The following ERCC6L variants were observed in gnomAD, a reference collection of about 807,000 sequenced individuals.
The protein encoded by ERCC6L is ERCC excision repair 6 like, spindle assembly checkpoint helicase.
A neutral mutation model predicts 20.1 loss-of-function variants in ERCC6L; 7 were observed. The observed-to-expected ratio is 0.35, with a 90% CI of 0.20 to 0.65. The LOEUF is 0.65. Among genes scored for constraint, ERCC6L ranks in the 30% least tolerant of loss-of-function variants. ERCC6L has a pLI of 0.69. For synonymous variants in ERCC6L, 278 were observed against 331.3 expected (o/e 0.84, Z 1.75); for missense variants, 592 against 892.4 (o/e 0.66, Z 4.29).
chrX:72,206,764 A>G lies in ERCC6L; in HGVS notation c.2003T>C (p.Ile668Thr). Residue 668 changes from isoleucine (I) to threonine (T), a missense_variant, in exon 2 of 2, where the codon ATA becomes ACA. Physicochemically the swap from Ile to Thr is moderately conservative, Grantham distance 89 (BLOSUM62 -1). This residue lies in a region of ERCC6L where 196 missense variants were observed against 440.1 expected (regional missense o/e 0.45). Coordinates refer to ENST00000334463, the MANE Select transcript of ERCC6L (RefSeq NM_017669.4). ...CAAATCATGGTCTGAGATTCCAGCT[A>G]TCCCCAAAGACTGCAGGTAGGCAAT... Reference protein sequence around the residue: ...EHIAYLQSLGIAGISDHDLMY... With the variant: ...EHIAYLQSLGTAGISDHDLMY... 18 of 1,211,227 alleles carry G rather than the reference A, an allele frequency of 1.5e-5. No homozygotes were observed. Among genetic ancestry groups the G allele is most frequent in the Non-Finnish European group, 2.0e-5 (18 of 895,302 alleles).
Position 72,208,701 on chromosome X carries a change from A to G in ERCC6L, c.69-3T>C, listed in dbSNP as rs2042835475. ...CTTCTTTGGCCTCTTTCACATATCT[A>G]TAGAAAAAAAAAGAAGAAGAGGAGA... On this transcript the variant is annotated splice_region_variant and splice_polypyrimidine_tract_variant and intron_variant, in intron 1 of 1. Coordinates refer to ENST00000334463, the MANE Select transcript of ERCC6L (RefSeq NM_017669.4). 1.7e-6 allele frequency: 2 copies of G among 1,160,104 alleles called. No homozygotes were observed. The highest frequency in any genetic ancestry group is 2.3e-6 in the Non-Finnish European group (2 of 866,337).
chrX:72,210,057 A>T (rs1182910730), intron 1 of ERCC6L, among the ~76,000 whole-genome samples: 1 of 108,848 alleles, frequency 9.2e-6, no homozygotes, highest in Non-Finnish European at 1.9e-5. Context: ...CACACAAGCA[A>T]CCAGAGGGGG....
chrX:72,238,638 G>C (rs1310985629), intron 1 of ERCC6L, among the ~76,000 whole-genome samples: 1 of 112,755 alleles, frequency 8.9e-6, no homozygotes, highest in African/African-American at 3.2e-5. Flanking sequence ...TTGCCCAAAA[G>C]AAGAGGCATC....
intron 1 of ERCC6L, 42 bp downstream of exon 1, chrX:72,238,802 G>C: frequency 8.7e-7 from 1 of 1,143,181 alleles, no homozygotes; most frequent in African/African-American, 1.8e-5. Flanking sequence ...TCCACCCTGG[G>C]CCAGGTCGGT....
chrX:72,213,124 G>T (rs760816741), intron 1 of ERCC6L, among the ~76,000 whole-genome samples: 1 of 112,089 alleles, frequency 8.9e-6, no homozygotes, highest in Admixed American at 9.4e-5. Flanking sequence ...GCGCATGTGA[G>T]TGGGGTTATT....
At chrX:72,221,671 G>A (rs1244130645) in intron 1 of ERCC6L, among the ~76,000 whole-genome samples, 1 of 111,111 alleles carries the variant, frequency 9.0e-6, no homozygotes, top group Non-Finnish European at 1.9e-5. Context: ...GCCGATGGTT[G>A]GAAAATGTCA....
At chrX:72,235,389 C>CCT (rs2043010638) in intron 1 of ERCC6L, among the ~76,000 whole-genome samples, 1 of 68,570 alleles carries the variant, frequency 1.5e-5, no homozygotes, top group Admixed American at 1.8e-4. Flanking sequence ...CCCTCTTCCA[C>CCT]TTTTTTTTTT....
In ERCC6L at chrX:72,205,089, C is replaced by T. The variant is rs961551484; in HGVS notation, c.3678G>A (p.Ala1226=). 7.4e-6 allele frequency: 9 copies of T among 1,209,397 alleles called. No homozygotes were observed. Among genetic ancestry groups the T allele is most frequent in the South Asian group, 5.3e-5 (3 of 56,672 alleles). The change falls in exon 2 of 2, where the codon GCG becomes GCA. Residue 1226 remains alanine, a synonymous_variant. Coordinates refer to ENST00000334463, the MANE Select transcript of ERCC6L (RefSeq NM_017669.4). ...CAGGATCTGCACTTTTTATGTCAAG[C>T]GCTTTAACTAAGCAGTTTAGGGCCT... ...IQEALNCLVK[A]LDIKSADPEV...
rs2042814316 is a variant in ERCC6L, at chrX:72,205,688, C to T, written c.3079G>A (p.Val1027Ile). 4.1e-6 allele frequency: 5 copies of T among 1,211,958 alleles called. No homozygotes were observed. The highest frequency in any genetic ancestry group is 5.6e-6 in the Non-Finnish European group (5 of 895,525). The change falls in exon 2 of 2, where the codon GTT becomes ATT. Residue 1027 changes from valine (V) to isoleucine (I), a missense_variant. By Grantham distance (29) the Val-to-Ile change is conservative. Around this residue, in one of 3 missense-constraint regions of ERCC6L, gnomAD observed 352 missense variants for 402.6 expected, o/e 0.87. Transcript: ENST00000334463. ...AKIRSKARRI[V>I]SDGEDEDDSF... is the part of the protein sequence containing the mutation. ...TCATCTTCATCTTCGCCATCTGAAA[C>T]AATCCTTCTAGCTTTACTTCTGATT...
At position 72,205,685 on chromosome X, in the gene ERCC6L, A is replaced by C; in HGVS notation, c.3082T>G (p.Ser1028Ala). ...GAATCATCTTCATCTTCGCCATCTG[A>C]AACAATCCTTCTAGCTTTACTTCTG... is the stretch of plus-strand genomic sequence containing the variant. ...KIRSKARRIV[S>A]DGEDEDDSFK... The change falls in exon 2 of 2, where the codon TCA (serine) becomes GCA (alanine). Residue 1028 changes from serine to alanine, a missense_variant. Ser to Ala is a moderately conservative substitution (Grantham distance 99). This residue lies in a region of ERCC6L where 352 missense variants were observed against 402.6 expected (regional missense o/e 0.87). Transcript: ENST00000334463. The C allele has an allele frequency of 8.3e-7, 1 of 1,211,970 alleles. No homozygotes were observed. Among genetic ancestry groups the C allele is most frequent in the Non-Finnish European group, 1.1e-6 (1 of 895,540 alleles).
chrX:72,238,746 G>T (rs2043031739), intron 1 of ERCC6L, 98 bp downstream of exon 1: 2 of 807,823 alleles, frequency 2.5e-6, no homozygotes, highest in Non-Finnish European at 3.6e-6. Context: ...AAAAGGCTCC[G>T]CCTCAACAGT....
chrX:72,210,089 G>A (rs2042844245), intron 1 of ERCC6L, among the ~76,000 whole-genome samples: 1 of 108,836 alleles, frequency 9.2e-6, no homozygotes, highest in Non-Finnish European at 1.9e-5. Flanking sequence ...ACAGGGCCGG[G>A]TGCGGTGGCT....
chrX:72,230,332 C>G (rs1358462245), intron 1 of ERCC6L, among the ~76,000 whole-genome samples: 1 of 110,546 alleles, frequency 9.0e-6, no homozygotes, highest in Non-Finnish European at 1.9e-5. Flanking sequence ...CTTGAGATAA[C>G]CCGCCTTGGC....
Position 72,205,323 on chromosome X carries a change from T to A in ERCC6L, c.3444A>T (p.Gly1148=). 8.3e-7 allele frequency: 1 copy of A among 1,211,947 alleles called. No homozygotes were observed. Among genetic ancestry groups the A allele is most frequent in the Non-Finnish European group, 1.1e-6 (1 of 895,583 alleles). ...ACTTGTTTTCTGAAGACAGTGTTTC[T>A]CCGGAAGGATCCTCTTCTGTATACT... is the stretch of plus-strand genomic sequence containing the variant. ...ASKYTEEDPS[G]ETLSSENKSS... is the part of the protein sequence containing the mutation. The change falls in exon 2 of 2, where the codon GGA becomes GGT. Residue 1148 remains glycine, a synonymous_variant. Transcript: ENST00000334463.
intron 1 of ERCC6L, 104 bp downstream of exon 1, chrX:72,238,740 G>A (rs1485691929): frequency 1.3e-6 from 1 of 759,857 alleles, no homozygotes; most frequent in Non-Finnish European, 1.9e-6. Flanking sequence ...CGTCTCAAAA[G>A]GCTCCGCCTC....
intron 1 of ERCC6L, among the ~76,000 whole-genome samples, chrX:72,219,223 T>A (rs1346187933): frequency 9.0e-6 from 1 of 110,750 alleles, no homozygotes; most frequent in Non-Finnish European, 1.9e-5. Context: ...GCCATTGCAC[T>A]CCAGCCTGGG....
chrX:72,233,114 T>A (rs1315952386), intron 1 of ERCC6L, among the ~76,000 whole-genome samples: 3 of 111,707 alleles, frequency 2.7e-5, no homozygotes, highest in Non-Finnish European at 5.6e-5. Flanking sequence ...AACCCATTGA[T>A]CAACCTTTCA....
chrX:72,220,095 G>GT (rs1320152168), intron 1 of ERCC6L, among the ~76,000 whole-genome samples: 1 of 110,320 alleles, frequency 9.1e-6, no homozygotes, highest in Non-Finnish European at 1.9e-5. Flanking sequence ...TTTGTCAAAT[G>GT]TTTTTTTCTG....
chrX:72,228,749 G>A (rs1359789637), intron 1 of ERCC6L, among the ~76,000 whole-genome samples: 2 of 108,174 alleles, frequency 1.8e-5, no homozygotes, highest in Non-Finnish European at 3.8e-5. Context: ...CTTTTTGCTT[G>A]TTTTTTTTTC....
Sources: gnomAD v4.1 joint callset for allele counts (sites outside exome capture counted in the v4.1 genomes callset) on GRCh38, gnomAD v4.1.1 for gene constraint, gnomAD v4.1.1 regional missense constraint, MANE v1.5 for transcripts, NCBI Gene and HGNC (gene_info 2026-07-23, HGNC 2026-07-21) for gene names.